The following HS6ST3 variants were observed in gnomAD, a reference collection of about 807,000 sequenced individuals.
HS6ST3 encodes the protein heparan sulfate 6-O-sulfotransferase 3.
A neutral mutation model predicts 36.7 loss-of-function variants in HS6ST3; 12 were observed. That is an observed-to-expected ratio of 0.33 (90% CI 0.21 to 0.53). The LOEUF (loss-of-function observed/expected upper bound fraction) is 0.53. Ranked by LOEUF, HS6ST3 falls within the 20% of genes least tolerant of loss-of-function variation. The pLI, the probability that HS6ST3 is intolerant of heterozygous loss-of-function variation, is 0.95. For missense variants in HS6ST3, 584 were observed against 640.9 expected (o/e 0.91, Z 0.96); for synonymous variants, 240 against 257.5 (o/e 0.93, Z 0.65).
At chr13:96,141,018 A>G (rs1244940220) in intron 1 of HS6ST3, among the ~76,000 whole-genome samples, 1 of 152,202 alleles carries the variant, frequency 6.6e-6, no homozygotes, top group Non-Finnish European at 1.5e-5. Flanking sequence ...AGGAGAAAGG[A>G]TATCTACCAG....
intron 1 of HS6ST3, among the ~76,000 whole-genome samples, chr13:96,350,717 C>T (rs1035018082): frequency 2.6e-5 from 4 of 152,160 alleles, no homozygotes; most frequent in East Asian, 1.9e-4. Context: ...GATATAATAA[C>T]GAAATTGAAA....
At chr13:96,116,720 T>A (rs142999651) in intron 1 of HS6ST3, among the ~76,000 whole-genome samples, 287 of 152,308 alleles carry the variant, frequency 1.9e-3, no homozygotes, top group African/African-American at 6.5e-3. Context: ...AAATTTCCAA[T>A]GAATGCCTGA....
chr13:96,245,890 A>G (rs1168418165), intron 1 of HS6ST3, among the ~76,000 whole-genome samples: 2 of 152,096 alleles, frequency 1.3e-5, no homozygotes, highest in African/African-American at 4.8e-5. Flanking sequence ...AGAATGTGGG[A>G]ATAGGGGAAC....
intron 1 of HS6ST3, among the ~76,000 whole-genome samples, chr13:96,439,454 T>A (rs2139479305): frequency 6.6e-6 from 1 of 152,350 alleles, no homozygotes; most frequent in South Asian, 2.1e-4. Flanking sequence ...TCAAAGCAAT[T>A]CAAATAAATT....
chr13:96,435,895 T>C (rs891360784), intron 1 of HS6ST3, among the ~76,000 whole-genome samples: 1 of 152,322 alleles, frequency 6.6e-6, no homozygotes, highest in Non-Finnish European at 1.5e-5. Flanking sequence ...TCTTTAATGA[T>C]CTCAACTATA....
intron 1 of HS6ST3, among the ~76,000 whole-genome samples, chr13:96,410,699 T>C (rs2055503284): frequency 6.6e-6 from 1 of 152,206 alleles, no homozygotes; most frequent in Admixed American, 6.5e-5. Flanking sequence ...AATATAGTAT[T>C]CAATGATACA....
chr13:96,360,550 G>A (rs1273933924), intron 1 of HS6ST3, among the ~76,000 whole-genome samples: 2 of 151,306 alleles, frequency 1.3e-5, no homozygotes, highest in African/African-American at 2.4e-5. Flanking sequence ...ATCCTGTCAG[G>A]CTACACTTCT....
At chr13:96,766,031 A>C (rs1310389129) in intron 1 of HS6ST3, among the ~76,000 whole-genome samples, 2 of 152,198 alleles carry the variant, frequency 1.3e-5, no homozygotes, top group Non-Finnish European at 2.9e-5. Context: ...AATCAGTCAG[A>C]GCTACTAAGT....
intron 1 of HS6ST3, among the ~76,000 whole-genome samples, chr13:96,236,655 A>G (rs1325101644): frequency 2.0e-5 from 3 of 152,206 alleles, no homozygotes; most frequent in African/African-American, 7.2e-5. Flanking sequence ...GCAGCTGAAT[A>G]TTCCTAGAGA....
At chr13:96,751,072 C>T (rs184005705) in intron 1 of HS6ST3, among the ~76,000 whole-genome samples, 12 of 151,976 alleles carry the variant, frequency 7.9e-5, no homozygotes, top group Admixed American at 7.2e-4. Context: ...TTTTTTTACC[C>T]TCATCATATG....
intron 1 of HS6ST3, among the ~76,000 whole-genome samples, chr13:96,684,579 A>G (rs531947818): frequency 1.3e-5 from 2 of 152,164 alleles, no homozygotes; most frequent in South Asian, 2.1e-4. Flanking sequence ...TAATCCTAGA[A>G]ATAGATTCCA....
At chr13:96,336,757 G>T (rs867622359) in intron 1 of HS6ST3, among the ~76,000 whole-genome samples, 77 of 151,932 alleles carry the variant, frequency 5.1e-4, no homozygotes, top group African/African-American at 1.8e-3. Context: ...CTAATATATT[G>T]GTATGGAAGA....
At chr13:96,304,703 CTTTCTTTCTTTTTT>C (rs1416882565) in intron 1 of HS6ST3, among the ~76,000 whole-genome samples, 1 of 93,598 alleles carries the variant, frequency 1.1e-5, no homozygotes, top group Non-Finnish European at 2.0e-5. Context: ...TTCTTTCTTT[CTTTCTTTCTTTTTT>C]TTTTTTTTTT....
At chr13:96,633,150 G>A (rs545962020) in intron 1 of HS6ST3, among the ~76,000 whole-genome samples, 3 of 152,232 alleles carry the variant, frequency 2.0e-5, no homozygotes, top group South Asian at 4.1e-4. Flanking sequence ...TCCGTAAATC[G>A]GCCCGGGTGT....
At chr13:96,188,040 A>G (rs780301571) in intron 1 of HS6ST3, among the ~76,000 whole-genome samples, 1 of 152,204 alleles carries the variant, frequency 6.6e-6, no homozygotes, top group Non-Finnish European at 1.5e-5. Flanking sequence ...CTGGTATACA[A>G]AACAGACATA....
At chr13:96,597,686 A>G (rs1474718418) in intron 1 of HS6ST3, among the ~76,000 whole-genome samples, 1 of 151,744 alleles carries the variant, frequency 6.6e-6, no homozygotes, top group East Asian at 1.9e-4. Context: ...CAGTTTGGCT[A>G]TGTCCTATTT....
chr13:96,740,317 G>T (rs956120925), intron 1 of HS6ST3, among the ~76,000 whole-genome samples: 11 of 152,144 alleles, frequency 7.2e-5, no homozygotes, highest in African/African-American at 2.7e-4. Flanking sequence ...AGTTCTGGAA[G>T]GATTCATGAG....
intron 1 of HS6ST3, among the ~76,000 whole-genome samples, chr13:96,673,758 T>C (rs1444128119): frequency 6.6e-6 from 1 of 152,160 alleles, no homozygotes; most frequent in African/African-American, 2.4e-5. Context: ...TCTGCTGATA[T>C]TAAAATGTTA....
intron 1 of HS6ST3, among the ~76,000 whole-genome samples, chr13:96,446,057 C>A (rs1013302392): frequency 6.6e-5 from 10 of 151,692 alleles, no homozygotes; most frequent in African/African-American, 1.9e-4. Context: ...CCTGTAGTCC[C>A]AGCTGCTGGG....
Sources: gnomAD v4.1 joint callset for allele counts (sites outside exome capture counted in the v4.1 genomes callset) on GRCh38, gnomAD v4.1.1 for gene constraint, MANE v1.5 for transcripts, NCBI Gene and HGNC (gene_info 2026-07-23, HGNC 2026-07-21) for gene names.